Variants in HSPH1 observed in about 807,000 individuals in gnomAD.
HSPH1 encodes heat shock protein family H (Hsp110) member 1.
HSPH1 carries 40 observed loss-of-function variants against 100.0 expected under a neutral mutation model. The ratio of observed to expected loss-of-function variants is 0.40; its 90% CI spans 0.31 to 0.52. HSPH1 has a LOEUF of 0.52. Ranked by LOEUF, HSPH1 falls within the 20% of genes least tolerant of loss-of-function variation. The probability of loss-of-function intolerance (pLI) is 0.54; values close to 1 mark genes in which losing one functional copy is unlikely to be tolerated. For synonymous variants in HSPH1, 403 were observed against 344.0 expected, an observed-to-expected ratio of 1.17 and a Z score of -1.90; for missense variants, 876 against 1,015.1, an observed-to-expected ratio of 0.86 and a Z score of 1.86.
At position 31,148,259 on chromosome 13, in the gene HSPH1, C is replaced by T. The variant is rs1956341492; in HGVS notation, c.1244+115G>A. ...GGTAGATTTGGTTGTTCAAAGATTCCAGGTAAATTAATGACTACTAGAGAA... is the reference window on the plus strand; with the variant it reads ...GGTAGATTTGGTTGTTCAAAGATTCTAGGTAAATTAATGACTACTAGAGAA... On this transcript the variant is annotated intron_variant, in intron 9 of 17. Transcript: ENST00000320027. The T allele has an allele frequency of 3.9e-6, 4 of 1,014,376 alleles. No homozygotes were observed. The African/African-American group carries it at 5.0e-5, about 13-fold the overall frequency. The allele number at this position is 1,014,376 out of a possible 1,614,324, so 62.8% of individuals were successfully genotyped here.
At chr13:31,143,156 C>T (rs375642356) in intron 12 of HSPH1, among the ~76,000 whole-genome samples, 26 of 152,058 alleles carry the variant, frequency 1.7e-4, no homozygotes, top group African/African-American at 6.0e-4. Flanking sequence ...TTCTACAAAA[C>T]ATACGGTGAT....
intron 17 of HSPH1, 47 bp downstream of exon 17, chr13:31,138,360 G>A (rs370975645): frequency 4.5e-6 from 7 of 1,567,902 alleles, no homozygotes; most frequent in Non-Finnish European, 5.2e-6. Flanking sequence ...ATTGCAACTT[G>A]AGTCCGTAAG....
intron 11 of HSPH1, among the ~76,000 whole-genome samples, chr13:31,144,357 A>G (rs894262833): frequency 3.3e-5 from 5 of 152,144 alleles, no homozygotes; most frequent in African/African-American, 1.2e-4. Context: ...TTTACTAAAC[A>G]GTTACATAAA....
chr13:31,136,298 A>T lies in HSPH1; in HGVS notation c.*1020T>A, dbSNP rs569563812. On this transcript the variant is annotated 3_prime_UTR_variant, in exon 18 of 18. Transcript: ENST00000320027. ...CTAATTTCCCTGGCACAGAGTTTTT[A>T]AAAACAGCCTACAGCACTATAACAT... 177 of 152,344 alleles carry T rather than the reference A, an allele frequency of 1.2e-3. No individual in the cohort carries two copies. Among genetic ancestry groups the T allele is most frequent in the African/African-American group, 4.1e-3 (171 of 41,578 alleles). 9.4% of individuals were successfully genotyped at this position (152,344 alleles called of 1,614,324 possible). A position where few individuals can be genotyped will look rare whatever the true frequency, so the allele number is the denominator to read the frequency against.
Position 31,161,878 on chromosome 13 carries a change from C to T in HSPH1, c.-296G>A. The stretch of plus-strand genomic sequence containing the variant: ...GCCTCACTCTGCCGCGGCTCGCACA[C>T]CGGCGCCGGCGCTGAACTACCGACC... On this transcript the variant is annotated 5_prime_UTR_variant, in exon 1 of 18. It adds an upstream start codon to the 5' untranslated region. Transcript: ENST00000320027. 1 of 1,486,180 alleles carries T rather than the reference C, an allele frequency of 6.7e-7. No homozygotes were observed. The highest frequency in any genetic ancestry group is 1.3e-5 in the South Asian group (1 of 77,072). The allele number at this position is 1,486,180 out of a possible 1,614,324, so 92.1% of individuals were successfully genotyped here.
intron 2 of HSPH1, among the ~76,000 whole-genome samples, 168 bp downstream of exon 2, chr13:31,158,637 AG>A (rs981611845): frequency 1.3e-5 from 2 of 151,906 alleles, no homozygotes; most frequent in African/African-American, 4.8e-5. Context: ...GGGAACAGAA[AG>A]GAAAGAGTGT....
intron 8 of HSPH1, among the ~76,000 whole-genome samples, chr13:31,148,695 A>G (rs1020796696): frequency 1.3e-5 from 2 of 152,044 alleles, no homozygotes; most frequent in African/African-American, 4.8e-5. Flanking sequence ...CAAATAATAT[A>G]TCTTAGGATA....
In HSPH1 at chr13:31,152,704, T is replaced by C. The variant is rs529715262; in HGVS notation, c.529+148A>G. The C allele has an allele frequency of 1.4e-5, 8 of 575,344 alleles. No homozygotes were observed. The African/African-American group carries it at 1.5e-4, about 11-fold the overall frequency. 35.6% of individuals were successfully genotyped at this position (575,344 alleles called of 1,614,324 possible). A position where few individuals can be genotyped will look rare whatever the true frequency, so the allele number is the denominator to read the frequency against. ...TAAAATACCAATTTCTCATTAACCA[T>C]AAGCATTTTAAGAGGTAGACTTTTG... is the stretch of plus-strand genomic sequence containing the variant. On this transcript the variant is annotated intron_variant, in intron 5 of 17. Transcript: ENST00000320027.
At chr13:31,160,707 T>C (rs1956867193) in intron 1 of HSPH1, among the ~76,000 whole-genome samples, 1 of 152,192 alleles carries the variant, frequency 6.6e-6, no homozygotes, top group Admixed American at 6.5e-5. Context: ...AGTATGCAAT[T>C]TTTATTCTCT....
Position 31,136,912 on chromosome 13 carries a change from C to CCA in HSPH1, c.*404_*405dup. On this transcript the variant is annotated 3_prime_UTR_variant, in exon 18 of 18. Transcript: ENST00000320027. ...CAGACTTAGTCTTGTTTATAAACAT[C>CCA]CACACCCACACACATGCTGAATGGA... 1 of 242,528 alleles carries CCA rather than the reference C, an allele frequency of 4.1e-6. No individual in the cohort carries two copies. Among genetic ancestry groups the CCA allele is most frequent in the Non-Finnish European group, 8.8e-6 (1 of 113,578 alleles). 15.0% of individuals were successfully genotyped at this position (242,528 alleles called of 1,614,324 possible).
rs776146853 is a variant in HSPH1 at position 31,137,373 on chromosome 13, T to C, written c.2522A>G (p.Gln841Arg). 4 of 1,613,504 alleles carry C rather than the reference T, an allele frequency of 2.5e-6. No individual in the cohort carries two copies. In the South Asian group the frequency reaches 4.4e-5, roughly 18 times the overall value. Residue 841 changes from glutamine (Q) to arginine (R), a missense_variant, in exon 18 of 18, where the codon CAG becomes CGG. Gln to Arg is a conservative substitution (Grantham distance 43, BLOSUM62 1). Coordinates refer to ENST00000320027, the MANE Select transcript of HSPH1 (RefSeq NM_006644.4). The part of the protein sequence containing the change: ...KNNFGAEPPH[Q>R]NGECYPNEKN... Reference sequence around the variant, plus strand: ...CTCATTAGGGTAACATTCACCATTCTGATGTGGAGGTTCAGCACCAAAATT... The same window carrying C: ...CTCATTAGGGTAACATTCACCATTCCGATGTGGAGGTTCAGCACCAAAATT...
intron 3 of HSPH1, 114 bp from the exon 4 acceptor site, chr13:31,154,869 T>C: frequency 1.1e-6 from 1 of 897,674 alleles, no homozygotes; most frequent in South Asian, 1.9e-5. Flanking sequence ...ATTTTATTGT[T>C]GTAGTTGTTT....
chr13:31,149,548 AT>A (rs560771711), intron 8 of HSPH1, among the ~76,000 whole-genome samples: 109 of 152,220 alleles, frequency 7.2e-4, no homozygotes, highest in African/African-American at 2.6e-3. Context: ...AGGGTTATCT[AT>A]TTTCTAAAAC....
rs1271957560 is a variant in HSPH1 at position 31,140,260 on chromosome 13, T to C, written c.1904A>G (p.Lys635Arg). 1 of 1,611,582 alleles carries C rather than the reference T, an allele frequency of 6.2e-7. No homozygotes were observed. ...DKLEKERNDA[K>R]NAVEEYVYEF... ...ATACACATATTCCTCAACTGCATTT[T>C]TAGCATCATTCCTTTCTTTTTCCAA... Residue 635 changes from lysine (K) to arginine (R), a missense_variant, in exon 14 of 18, where the codon AAA (lysine) becomes AGA (arginine). Coordinates refer to ENST00000320027, the MANE Select transcript of HSPH1 (RefSeq NM_006644.4).
intron 10 of HSPH1, among the ~76,000 whole-genome samples, chr13:31,147,690 T>A (rs1024814054): frequency 1.3e-5 from 2 of 152,032 alleles, no homozygotes; most frequent in African/African-American, 2.4e-5. Flanking sequence ...ATTAAAGTGT[T>A]CATATATATA....
At chr13:31,138,678 C>G (rs1955972535) in intron 16 of HSPH1, 103 bp downstream of exon 16, 1 of 1,522,698 alleles carries the variant, frequency 6.6e-7, no homozygotes, top group South Asian at 1.3e-5. Context: ...CCTCAAATAC[C>G]AAAATTTCAA....
Position 31,161,477 on chromosome 13 carries a change from G to A in HSPH1, c.106C>T (p.Pro36Ser), listed in dbSNP as rs1375266352. The A allele has an allele frequency of 1.2e-6, 2 of 1,613,978 alleles. No individual in the cohort carries two copies. The highest frequency in any genetic ancestry group is 1.1e-5 in the South Asian group (1 of 91,064). The change falls in exon 1 of 18, where the codon CCG becomes TCG. Residue 36 changes from proline to serine, a missense_variant and splice_region_variant. Coordinates refer to ENST00000320027, the MANE Select transcript of HSPH1 (RefSeq NM_006644.4). Reference sequence around the variant, plus strand: ...CCACCCTCGCAGACTCCCACTTACGGGGTGCACCGGTCGCTGAACTCATTG... The same window carrying A: ...CCACCCTCGCAGACTCCCACTTACGAGGTGCACCGGTCGCTGAACTCATTG... ...IANEFSDRCT[P>S]SVISFGSKNR...
intron 10 of HSPH1, among the ~76,000 whole-genome samples, chr13:31,146,133 C>G (rs2137574642): frequency 6.6e-6 from 1 of 152,004 alleles, no homozygotes; most frequent in East Asian, 1.9e-4. Flanking sequence ...GACCGTGTCT[C>G]TTAATAAATC....
chr13:31,161,967 G>T (rs1032783504), upstream of HSPH1: 18 of 1,536,054 alleles, frequency 1.2e-5, no homozygotes, highest in Non-Finnish European at 1.4e-5. Flanking sequence ...TCCAGAATCT[G>T]CGGCATTTAC....
Sources: gnomAD v4.1 joint callset for allele counts (sites outside exome capture counted in the v4.1 genomes callset) on GRCh38, gnomAD v4.1.1 for gene constraint, MANE v1.5 for transcripts, NCBI Gene and HGNC (gene_info 2026-07-23, HGNC 2026-07-21) for gene names.